The following KANSL2 variants were observed in gnomAD, a reference collection of about 807,000 sequenced individuals.
KANSL2 encodes KAT8 regulatory NSL complex subunit 2, also known as NSL complex protein NSL2.
Under a neutral mutation model 55.6 loss-of-function variants are expected in KANSL2, and 34 were observed. That is an observed-to-expected ratio of 0.61 (90% CI 0.46 to 0.81). The LOEUF is 0.81. KANSL2 is among the 40% of genes least tolerant of loss of function. KANSL2 has a pLI of 0.00. For missense variants in KANSL2, 502 were observed against 609.9 expected (o/e 0.82, Z 1.86); for synonymous variants, 209 against 214.3 (o/e 0.98, Z 0.22).
intron 4 of KANSL2, among the ~76,000 whole-genome samples, chr12:48,675,257 T>C (rs1234616395): frequency 2.6e-5 from 4 of 151,322 alleles, no homozygotes; most frequent in Admixed American, 6.6e-5. Context: ...AAGAAAGAAA[T>C]TAGCCGGGCA....
chr12:48,662,691 G>T, intron 7 of KANSL2: 1 of 1,273,258 alleles, frequency 7.9e-7, no homozygotes, highest in South Asian at 1.3e-5. Flanking sequence ...AGTGACTTAG[G>T]CAACTATGGA....
chr12:48,664,040 G>T (rs11168673), intron 7 of KANSL2, among the ~76,000 whole-genome samples: 12,051 of 145,162 alleles, frequency 0.083, 674 homozygotes, highest in South Asian at 0.24. Flanking sequence ...TCAGCCTCCC[G>T]AGTAGCTGGG....
intron 2 of KANSL2, 73 bp downstream of exon 2, chr12:48,681,309 A>G (rs1019369231): frequency 2.4e-5 from 36 of 1,503,760 alleles, no homozygotes; most frequent in Non-Finnish European, 3.2e-5. Context: ...CGCGGCAGCT[A>G]TGCTGAAGCC....
At chr12:48,675,311 CAGA>C (rs771362038) in intron 4 of KANSL2, among the ~76,000 whole-genome samples, 3 of 152,056 alleles carry the variant, frequency 2.0e-5, no homozygotes, top group African/African-American at 4.8e-5. Context: ...GAGGCTGAGG[CAGA>C]AGAATTGCTT....
At position 48,669,678 on chromosome 12, in the gene KANSL2, C is replaced by T. The variant is rs572744030; in HGVS notation, c.710-406G>A. On this transcript the variant is annotated intron_variant, in intron 5 of 9. Transcript: ENST00000420613. ...GACTACAGGTGCCCGCCACCACGCC[C>T]GGCTAATTTTTTTTTTGTATTTTTA... is the stretch of plus-strand genomic sequence containing the variant. Among the ~76,000 whole-genome samples the T allele has an allele frequency of 5.9e-3, 890 of 152,008 alleles. 7 individuals carry two copies. The highest frequency in any genetic ancestry group is 0.02 in the African/African-American group (809 of 41,486).
Position 48,662,038 on chromosome 12 carries a change from T to C in KANSL2, c.974-1419A>G, listed in dbSNP as rs192907393. Among the ~76,000 whole-genome samples the C allele has an allele frequency of 8.3e-4, 127 of 152,318 alleles. 2 individuals are homozygous for C. The highest frequency in any genetic ancestry group is 2.8e-3 in the African/African-American group (115 of 41,576). ...GATTTGCACTATGCGCTTAAGAAAATCTAAGCAATATCTAATGTGCTTAAG... is the reference window on the plus strand; with the variant it reads ...GATTTGCACTATGCGCTTAAGAAAACCTAAGCAATATCTAATGTGCTTAAG... On this transcript the variant is annotated intron_variant, in intron 7 of 9. Transcript: ENST00000420613.
chr12:48,660,744 A>G (rs1939471164), intron 7 of KANSL2, 125 bp from the exon 8 acceptor site: 1 of 969,738 alleles, frequency 1.0e-6, no homozygotes, highest in Non-Finnish European at 1.5e-6. Flanking sequence ...TACATTTGAT[A>G]CAGAATACCA....
In KANSL2 at chr12:48,667,824, A is replaced by C. The variant is rs1039561412; in HGVS notation, c.877-35T>G. 2.1e-6 allele frequency: 3 copies of C among 1,400,640 alleles called. No individual in the cohort carries two copies. In the African/African-American group the frequency reaches 4.2e-5, roughly 20 times the overall value. 86.8% of individuals were successfully genotyped at this position (1,400,640 alleles called of 1,614,324 possible). On this transcript the variant is annotated intron_variant, in intron 6 of 9. Transcript: ENST00000420613. ...AAAAAGACAGATAAAATAGACCCAC[A>C]AAAGAACACACAAACAATTACGATG...
At chr12:48,681,153 A>G in intron 2 of KANSL2, 1 of 405,016 alleles carries the variant, frequency 2.5e-6, no homozygotes, top group East Asian at 4.1e-5. Flanking sequence ...ACTAATTTAG[A>G]ATATGCCTTT....
chr12:48,671,274 T>TAAAA (rs10648260), intron 5 of KANSL2, among the ~76,000 whole-genome samples: 27,441 of 142,030 alleles, frequency 0.19, 3,228 homozygotes, highest in Non-Finnish European at 0.27. Context: ...CCGTCTCAAT[T>TAAAA]AAAAAAAAAA....
At position 48,661,306 on chromosome 12, in the gene KANSL2, A is replaced by T. The variant is rs1179428757; in HGVS notation, c.974-687T>A. 5.2e-6 allele frequency: 3 copies of T among 577,456 alleles called. No homozygotes were observed. In the African/African-American group the frequency reaches 6.1e-5, roughly 12 times the overall value. 35.8% of individuals were successfully genotyped at this position (577,456 alleles called of 1,614,324 possible). On this transcript the variant is annotated intron_variant, in intron 7 of 9. Transcript: ENST00000420613. The stretch of plus-strand genomic sequence containing the variant: ...TGAAAAAAAAAAGTATTCTAGAAAC[A>T]TTCCAAGGACTCTATTAACAACTTT...
Position 48,661,507 on chromosome 12 carries a change from T to C in KANSL2, c.974-888A>G, listed in dbSNP as rs192663685. 9.8e-5 allele frequency among the ~76,000 whole-genome samples: 15 copies of C among 152,320 alleles called. No individual in the cohort carries two copies. The East Asian group carries it at 2.9e-3, about 29-fold the overall frequency. On this transcript the variant is annotated intron_variant, in intron 7 of 9. Transcript: ENST00000420613. ...TTAACTACCTGGTTATCTTCCTAGA[T>C]TAATAAACATTATTTTAAAATTTGA...
intron 4 of KANSL2, among the ~76,000 whole-genome samples, chr12:48,672,223 T>A (rs543693746): frequency 6.6e-6 from 1 of 152,058 alleles, no homozygotes; most frequent in Non-Finnish European, 1.5e-5. Flanking sequence ...TTGCATTATG[T>A]TGAAAAGAAA....
intron 4 of KANSL2, among the ~76,000 whole-genome samples, chr12:48,672,433 A>ATTTTTTT (rs1555155470): frequency 1.7e-5 from 2 of 120,380 alleles, no homozygotes; most frequent in African/African-American, 7.2e-5. Flanking sequence ...ATATATATAT[A>ATTTTTTT]TTTTTTTTTT....
chr12:48,664,456 T>A (rs929278927), intron 7 of KANSL2, among the ~76,000 whole-genome samples: 1 of 151,758 alleles, frequency 6.6e-6, no homozygotes, highest in Non-Finnish European at 1.5e-5. Context: ...ATTTTTGTAT[T>A]TTTAGTAGAG....
chr12:48,663,017 T>C (rs1939517348), intron 7 of KANSL2, among the ~76,000 whole-genome samples: 1 of 152,222 alleles, frequency 6.6e-6, no homozygotes, highest in African/African-American at 2.4e-5. Context: ...CAGAATTCCA[T>C]ATCCTGGAAT....
intron 1 of KANSL2, 101 bp from the exon 2 acceptor site, chr12:48,681,742 TC>T (rs1565611149): frequency 1.4e-6 from 2 of 1,470,158 alleles, no homozygotes; most frequent in Admixed American, 3.5e-5. Flanking sequence ...GCAGAAGTCG[TC>T]CCCGTAAGGT....
intron 4 of KANSL2, 73 bp from the exon 5 acceptor site, chr12:48,672,035 TGTC>T: frequency 7.7e-7 from 1 of 1,298,474 alleles, no homozygotes; most frequent in Non-Finnish European, 1.0e-6. Context: ...AGAGTAGAGA[TGTC>T]AGACTAAGTT....
At chr12:48,667,260 G>T (rs1170746847) in intron 7 of KANSL2, among the ~76,000 whole-genome samples, 1 of 152,154 alleles carries the variant, frequency 6.6e-6, no homozygotes, top group Non-Finnish European at 1.5e-5. Flanking sequence ...GAAGTTCACA[G>T]TGCAAAATCA....
Sources: allele counts gnomAD v4.1 joint callset (sites outside exome capture counted in the v4.1 genomes callset), GRCh38; gene constraint gnomAD v4.1.1; transcripts MANE v1.5; gene names NCBI Gene and HGNC (gene_info 2026-07-23, HGNC 2026-07-21).